The following HIVEP3 variants were observed in gnomAD, a reference collection of about 807,000 sequenced individuals.
HIVEP3 encodes the protein transcription factor HIVEP3.
Under a neutral mutation model 152.8 loss-of-function variants are expected in HIVEP3, and 49 were observed. That is an observed-to-expected ratio of 0.32 (90% CI 0.26 to 0.41). The LOEUF (loss-of-function observed/expected upper bound fraction) is 0.41, where lower values mean the gene tolerates loss of function less well. HIVEP3 is among the 10% of genes least tolerant of loss of function. The probability of loss-of-function intolerance (pLI) is 1.00; values close to 1 mark genes in which losing one functional copy is unlikely to be tolerated. For missense variants in HIVEP3, 2,790 were observed against 3,103.3 expected (o/e 0.90, Z 2.40); for synonymous variants, 1,269 against 1,289.0 (o/e 0.98, Z 0.33).
chr1:41,903,885 A>G (rs111964855), intron 1 of HIVEP3, among the ~76,000 whole-genome samples: 1,557 of 148,390 alleles, frequency 0.01, 29 homozygotes, highest in African/African-American at 0.036. Flanking sequence ...GCCAGTGCTG[A>G]CCATTTTCCT....
At chr1:41,794,676 A>C (rs903542309) in intron 1 of HIVEP3, among the ~76,000 whole-genome samples, 1 of 152,198 alleles carries the variant, frequency 6.6e-6, no homozygotes, top group Non-Finnish European at 1.5e-5. Context: ...TTATCTCATT[A>C]TTGTAACTTG....
At chr1:41,532,676 ACCAAGAT>A (rs1231741386) in intron 5 of HIVEP3, among the ~76,000 whole-genome samples, 4 of 152,104 alleles carry the variant, frequency 2.6e-5, no homozygotes, top group African/African-American at 9.7e-5. Flanking sequence ...CGAAGGAGAA[ACCAAGAT>A]CCAGAAGTTT....
chr1:41,944,539 T>C (rs757467072), intron 1 of HIVEP3, among the ~76,000 whole-genome samples: 1 of 152,134 alleles, frequency 6.6e-6, no homozygotes, highest in Non-Finnish European at 1.5e-5. Context: ...TGGGTTGCTA[T>C]GAAATACTCA....
In HIVEP3 at chr1:41,511,494, C is replaced by T. The variant is rs1644455469; in HGVS notation, c.6406-228G>A. On this transcript the variant is annotated intron_variant, in intron 8 of 8. Coordinates refer to ENST00000372583, the MANE Select transcript of HIVEP3 (RefSeq NM_024503.5). The surrounding 1 kb of genome is among the most constrained non-coding windows in gnomAD (Gnocchi z 4.9). ...GCTCGACAGTGACCATGAGTATGCT[C>T]AGGCCCCATGGTCTCCATGCCTCTA... Among the ~76,000 whole-genome samples the T allele has an allele frequency of 6.6e-6, 1 of 152,150 alleles. No homozygotes were observed. Among genetic ancestry groups the T allele is most frequent in the Admixed American group, 6.5e-5 (1 of 15,276 alleles).
intron 1 of HIVEP3, among the ~76,000 whole-genome samples, chr1:41,982,284 A>G (rs1645297843): frequency 6.6e-6 from 1 of 152,230 alleles, no homozygotes; most frequent in South Asian, 2.1e-4. Flanking sequence ...AAGGTAACAA[A>G]ATCCTTGTCC....
At chr1:41,522,802 C>T (rs1010654796) in intron 6 of HIVEP3, among the ~76,000 whole-genome samples, 2 of 152,040 alleles carry the variant, frequency 1.3e-5, no homozygotes, top group East Asian at 1.9e-4. Flanking sequence ...CAGTCTCACG[C>T]GGCAGAGTGA....
At chr1:41,621,511 C>CTTTTG (rs1304618672) in intron 3 of HIVEP3, among the ~76,000 whole-genome samples, 3 of 152,172 alleles carry the variant, frequency 2.0e-5, no homozygotes, top group South Asian at 2.1e-4. Context: ...TCTTCTTCTT[C>CTTTTG]TTTTGTTTTG....
At chr1:41,625,856 G>A (rs575082620) in intron 3 of HIVEP3, among the ~76,000 whole-genome samples, 19 of 152,264 alleles carry the variant, frequency 1.2e-4, no homozygotes, top group East Asian at 9.6e-4. Flanking sequence ...TTAAAAATTT[G>A]AACTTAAAAA....
chr1:41,738,856 C>A (rs1646955472), intron 1 of HIVEP3, among the ~76,000 whole-genome samples: 1 of 152,212 alleles, frequency 6.6e-6, no homozygotes, highest in South Asian at 2.1e-4. Flanking sequence ...GGTAAAGAAA[C>A]CTATGGAGAG....
At chr1:41,749,667 C>G (rs1570455047) in intron 1 of HIVEP3, among the ~76,000 whole-genome samples, 1 of 152,190 alleles carries the variant, frequency 6.6e-6, no homozygotes, top group East Asian at 1.9e-4. Context: ...ACCTGGGGCT[C>G]ACATAGCCCT....
At chr1:42,012,222 T>C (rs979507472) in intron 1 of HIVEP3, among the ~76,000 whole-genome samples, 8 of 152,230 alleles carry the variant, frequency 5.3e-5, no homozygotes, top group Non-Finnish European at 8.8e-5. Flanking sequence ...TACATTTCTT[T>C]AGACATAGAT....
At chr1:41,853,158 G>A (rs1219101690) in intron 1 of HIVEP3, among the ~76,000 whole-genome samples, 1 of 152,200 alleles carries the variant, frequency 6.6e-6, no homozygotes, top group South Asian at 2.1e-4. Flanking sequence ...TGTTTATTGG[G>A]TTGTCTGGAT....
At chr1:41,965,538 G>C (rs568379718) in intron 1 of HIVEP3, among the ~76,000 whole-genome samples, 1 of 152,296 alleles carries the variant, frequency 6.6e-6, no homozygotes, top group South Asian at 2.1e-4. Flanking sequence ...GAACATAAAT[G>C]ACCTGATGGA....
chr1:41,939,534 A>T (rs1042328110), intron 1 of HIVEP3, among the ~76,000 whole-genome samples: 1 of 152,278 alleles, frequency 6.6e-6, no homozygotes, highest in Admixed American at 6.5e-5. Flanking sequence ...CTTTTTAAGA[A>T]TTACTACACC....
chr1:41,913,465 T>C (rs2124467201), intron 1 of HIVEP3, among the ~76,000 whole-genome samples: 1 of 152,336 alleles, frequency 6.6e-6, no homozygotes, highest in Non-Finnish European at 1.5e-5. Flanking sequence ...GATGTGATCA[T>C]AGCCCATGGC....
At chr1:41,651,680 G>C (rs1167304630) in intron 2 of HIVEP3, among the ~76,000 whole-genome samples, 1 of 152,218 alleles carries the variant, frequency 6.6e-6, no homozygotes, top group Admixed American at 6.5e-5. Flanking sequence ...GATACCAAGG[G>C]ATGACTGAAT....
chr1:41,549,115 C>T (rs954646132), intron 5 of HIVEP3, among the ~76,000 whole-genome samples: 6 of 149,292 alleles, frequency 4.0e-5, no homozygotes, highest in African/African-American at 1.5e-4. Flanking sequence ...TGAGTGAGAA[C>T]ATGCGGTATT....
chr1:41,834,249 G>A (rs143923926), intron 1 of HIVEP3, among the ~76,000 whole-genome samples: 4 of 152,208 alleles, frequency 2.6e-5, no homozygotes, highest in African/African-American at 7.2e-5. Flanking sequence ...TCTCTGCAGA[G>A]ACCACGGACA....
At chr1:41,856,625 C>T (rs565634690) in intron 1 of HIVEP3, among the ~76,000 whole-genome samples, 1 of 152,334 alleles carries the variant, frequency 6.6e-6, no homozygotes, top group Admixed American at 6.5e-5. Context: ...TCCCTCCAAG[C>T]ACACCTTATG....
Sources: allele counts gnomAD v4.1 joint callset (sites outside exome capture counted in the v4.1 genomes callset), GRCh38; gene constraint gnomAD v4.1.1; non-coding constraint Gnocchi (gnomAD v3.1); transcripts MANE v1.5; gene names NCBI Gene and HGNC (gene_info 2026-07-23, HGNC 2026-07-21).